Variants in NAV2 observed in about 807,000 individuals in gnomAD.
NAV2 encodes helicase, APC down-regulated 1.
A neutral mutation model predicts 223.2 loss-of-function variants in NAV2; 54 were observed. The ratio of observed to expected loss-of-function variants is 0.24; its 90% CI spans 0.19 to 0.30. The LOEUF is 0.30. NAV2 is among the 10% of genes least tolerant of loss of function. NAV2 has a pLI of 1.00. For synonymous variants in NAV2, 1,279 were observed against 1,239.3 expected, an observed-to-expected ratio of 1.03 and a Z score of -0.67; for missense variants, 2,806 against 3,147.5, an observed-to-expected ratio of 0.89 and a Z score of 2.60.
At chr11:19,915,984 AGTCTCTTCAAGCCTCAGTTTCCTCATCT>A (rs1388167840) in intron 6 of NAV2, among the ~76,000 whole-genome samples, 1 of 152,232 alleles carries the variant, frequency 6.6e-6, no homozygotes, top group Non-Finnish European at 1.5e-5. Context: ...CAAGCTACTT[AGTCTCTTCAAGCCTCAGTTTCCTCATCT>A]GTAAAATGGG....
At chr11:19,551,922 T>TC (rs557277235) in intron 1 of NAV2, among the ~76,000 whole-genome samples, 2 of 151,100 alleles carry the variant, frequency 1.3e-5, no homozygotes, top group African/African-American at 4.9e-5. Context: ...TCTCTCTCTC[T>TC]TTCTCCACAT....
At chr11:19,740,053 G>A (rs2052660942) in intron 1 of NAV2, among the ~76,000 whole-genome samples, 1 of 152,192 alleles carries the variant, frequency 6.6e-6, no homozygotes, top group South Asian at 2.1e-4. Context: ...GCCACTGGGA[G>A]CTTGATGGGG....
intron 1 of NAV2, among the ~76,000 whole-genome samples, chr11:19,492,955 A>G (rs1004585999): frequency 3.9e-5 from 6 of 152,216 alleles, no homozygotes; most frequent in Non-Finnish European, 7.4e-5. Flanking sequence ...GTCTCACCTC[A>G]GCTCCTTAAT....
At chr11:19,737,853 T>C (rs1362520215) in intron 1 of NAV2, among the ~76,000 whole-genome samples, 1 of 152,142 alleles carries the variant, frequency 6.6e-6, no homozygotes, top group Non-Finnish European at 1.5e-5. Context: ...CTGAGATAAG[T>C]AGGTGCTCTG....
At chr11:20,025,131 A>C (rs1197028987) in intron 11 of NAV2, among the ~76,000 whole-genome samples, 2 of 152,196 alleles carry the variant, frequency 1.3e-5, no homozygotes, top group Non-Finnish European at 2.9e-5. Flanking sequence ...TAGCCCTGGC[A>C]CCTTGGGCAG....
At chr11:19,890,815 AAC>A (rs2041445639) in intron 5 of NAV2, among the ~76,000 whole-genome samples, 2 of 152,192 alleles carry the variant, frequency 1.3e-5, no homozygotes, top group South Asian at 4.1e-4. Context: ...CTGGTCCCCA[AAC>A]ACAGGCACTG....
chr11:19,687,513 C>T lies in NAV2; in HGVS notation c.76-144971C>T, dbSNP rs116385826. ...TTACCAGCATCCTATTAGGTCCCCT[C>T]CTAATCATTATCTCCCAGGTCCTGT... On this transcript the variant is annotated intron_variant, in intron 1 of 37. Transcript: ENST00000360655. Among the ~76,000 whole-genome samples the T allele has an allele frequency of 9.4e-3, 1,430 of 152,322 alleles. 27 individuals are homozygous for T. Among genetic ancestry groups the T allele is most frequent in the African/African-American group, 0.033 (1,356 of 41,560 alleles).
intron 10 of NAV2, among the ~76,000 whole-genome samples, chr11:19,966,991 C>T (rs1041813971): frequency 2.0e-5 from 3 of 152,208 alleles, no homozygotes; most frequent in Non-Finnish European, 4.4e-5. Context: ...TAATACAGGT[C>T]GTGTTCATTA....
At chr11:19,472,226 G>T (rs1355635633) in intron 1 of NAV2, among the ~76,000 whole-genome samples, 1 of 152,086 alleles carries the variant, frequency 6.6e-6, no homozygotes, top group East Asian at 1.9e-4. Flanking sequence ...GGGCAGAGAG[G>T]TCCTACGGTA....
At chr11:19,552,591 A>G (rs1452077274) in intron 1 of NAV2, among the ~76,000 whole-genome samples, 1 of 152,206 alleles carries the variant, frequency 6.6e-6, no homozygotes. Context: ...TCCATTTGTC[A>G]CAAGGCCATG....
At chr11:19,966,144 C>A (rs2048751682) in intron 10 of NAV2, among the ~76,000 whole-genome samples, 1 of 152,218 alleles carries the variant, frequency 6.6e-6, no homozygotes, top group African/African-American at 2.4e-5. Flanking sequence ...TTGGTCAAAG[C>A]AGTCACGAGC....
At chr11:19,593,929 T>C (rs1013661485) in intron 1 of NAV2, among the ~76,000 whole-genome samples, 2 of 152,184 alleles carry the variant, frequency 1.3e-5, no homozygotes, top group African/African-American at 4.8e-5. Flanking sequence ...TCTTTATATA[T>C]GCTAGATATG....
chr11:19,500,819 G>C (rs1335044075), intron 1 of NAV2, among the ~76,000 whole-genome samples: 1 of 152,236 alleles, frequency 6.6e-6, no homozygotes, highest in Non-Finnish European at 1.5e-5. Flanking sequence ...CACACAGCTA[G>C]TGAGTGGCAA....
intron 1 of NAV2, among the ~76,000 whole-genome samples, chr11:19,662,463 C>T (rs1024532681): frequency 6.6e-6 from 1 of 152,208 alleles, no homozygotes; most frequent in Non-Finnish European, 1.5e-5. Context: ...AAGACCAGAT[C>T]CCTGCCTCCT....
chr11:20,022,186 T>A (rs2054566268), intron 11 of NAV2, among the ~76,000 whole-genome samples: 13 of 152,246 alleles, frequency 8.5e-5, no homozygotes. Flanking sequence ...GGCTATAACA[T>A]AAGTTTGCTT....
chr11:19,911,390 T>C (rs531645345), intron 6 of NAV2, among the ~76,000 whole-genome samples: 105 of 152,216 alleles, frequency 6.9e-4, no homozygotes, highest in African/African-American at 1.7e-3. Context: ...AAAGTCTAGA[T>C]GGTAAAAGGG....
intron 1 of NAV2, among the ~76,000 whole-genome samples, chr11:19,576,570 C>A (rs1009166562): frequency 6.6e-6 from 1 of 151,954 alleles, no homozygotes; most frequent in African/African-American, 2.4e-5. Context: ...TATATAATTG[C>A]TGTTTATTAA....
At chr11:19,955,418 C>T (rs547244970) in intron 10 of NAV2, among the ~76,000 whole-genome samples, 2 of 151,978 alleles carry the variant, frequency 1.3e-5, no homozygotes, top group Non-Finnish European at 2.9e-5. Flanking sequence ...ATGAATGCTA[C>T]AACTAACTTT....
Position 19,933,814 on chromosome 11 carries a change from C to A in NAV2, c.1570C>A (p.Pro524Thr). 1 of 1,613,564 alleles carries A rather than the reference C, an allele frequency of 6.2e-7. No homozygotes were observed. Among genetic ancestry groups the A allele is most frequent in the Non-Finnish European group, 8.5e-7 (1 of 1,179,900 alleles). Residue 524 changes from proline (P) to threonine (T), a missense_variant, in exon 7 of 38, where the codon CCC becomes ACC. Physicochemically the swap from Pro to Thr is conservative, Grantham distance 38. Around this residue, in one of 4 missense-constraint regions of NAV2, gnomAD observed 1,167 missense variants for 1,180.5 expected, o/e 0.99. Coordinates refer to ENST00000349880, the MANE Select transcript of NAV2 (RefSeq NM_145117.5). The surrounding 1 kb of genome is among the most constrained non-coding windows in gnomAD (Gnocchi z 4.3). ...CCTCAAGGAGGAGCCAAAAGAAGAC[C>A]CCAGTGGAGCAGCTGTGCCCGAGAT... is the stretch of plus-strand genomic sequence containing the variant. ...LDLKEEPKEDPSGAAVPEMPK... is the reference protein window; with the variant it reads ...LDLKEEPKEDTSGAAVPEMPK...
Sources: allele counts gnomAD v4.1 joint callset (sites outside exome capture counted in the v4.1 genomes callset), GRCh38; gene constraint gnomAD v4.1.1; regional missense constraint gnomAD v4.1.1; non-coding constraint Gnocchi (gnomAD v3.1); transcripts MANE v1.5; gene names NCBI Gene and HGNC (gene_info 2026-07-23, HGNC 2026-07-21).